SF3B2: variants seen among roughly 807,000 people sequenced by gnomAD.
SF3B2 encodes splicing factor 3b subunit 2.
SF3B2 carries 22 observed loss-of-function variants against 116.3 expected under a neutral mutation model. The ratio of observed to expected loss-of-function variants is 0.19; its 90% confidence interval spans 0.14 to 0.27. The LOEUF is 0.27. SF3B2 is among the 10% of genes least tolerant of loss of function. The probability of loss-of-function intolerance (pLI) is 1.00; values close to 1 mark genes in which losing one functional copy is unlikely to be tolerated. For synonymous variants in SF3B2, 406 were observed against 421.6 expected (o/e 0.96, Z 0.45); for missense variants, 767 against 1,151.4 (o/e 0.67, Z 4.83).
intron 9 of SF3B2, 172 bp downstream of exon 9, chr11:66,058,577 G>A (rs1290121060): frequency 3.2e-6 from 2 of 632,746 alleles, no homozygotes; most frequent in East Asian, 2.7e-5. Context: ...AGTACTATAC[G>A]TGCCTACATT....
chr11:66,055,745 A>G, intron 5 of SF3B2, 160 bp downstream of exon 5: 2 of 647,204 alleles, frequency 3.1e-6, no homozygotes, highest in Non-Finnish European at 5.3e-6. Flanking sequence ...AAGTTCAGGA[A>G]TTGACAAACT....
In SF3B2 at chr11:66,058,297, C is replaced by T; in HGVS notation, c.875-17C>T. On this transcript the variant is annotated splice_polypyrimidine_tract_variant and intron_variant, in intron 8 of 21. Transcript: ENST00000322535. ...CAGTGGCACCGTGAAGACTCATCAC[C>T]ACCTTCTTCCTTACAGAGGAAGAGG... is the stretch of plus-strand genomic sequence containing the variant. The T allele has an allele frequency of 6.2e-7, 1 of 1,610,100 alleles. No individual in the cohort carries two copies. The highest frequency in any genetic ancestry group is 8.5e-7 in the Non-Finnish European group (1 of 1,176,602).
Position 66,058,937 on chromosome 11 carries a change from T to C in SF3B2, c.1074T>C (p.Arg358=). ...GDREKDSTRS[R]GSDSPAADVE... ...GGGAGAAAGACTCAACCCGGTCCCGTGGCTCTGATTCCCCAGCAGCTGATG... is the reference window on the plus strand; with the variant it reads ...GGGAGAAAGACTCAACCCGGTCCCGCGGCTCTGATTCCCCAGCAGCTGATG... Residue 358 remains arginine, a synonymous_variant, in exon 10 of 22, where the codon CGT becomes CGC. Coordinates refer to ENST00000322535, the MANE Select transcript of SF3B2 (RefSeq NM_006842.3). The C allele has an allele frequency of 6.2e-7, 1 of 1,614,128 alleles. No homozygotes were observed. The highest frequency in any genetic ancestry group is 8.5e-7 in the Non-Finnish European group (1 of 1,180,016).
chr11:66,055,051 T>G (rs745403551), intron 3 of SF3B2, 25 bp from the exon 4 acceptor site: 4 of 1,497,294 alleles, frequency 2.7e-6, no homozygotes, highest in Non-Finnish European at 3.6e-6. Flanking sequence ...TGCTTCCTAG[T>G]TTTATGATCA....
chr11:66,054,179 CAAA>C (rs34155501), intron 3 of SF3B2, among the ~76,000 whole-genome samples: 1 of 105,498 alleles, frequency 9.5e-6, no homozygotes, highest in Non-Finnish European at 2.0e-5. Context: ...GAGACTGTCT[CAAA>C]AAAAAAAAAA....
In SF3B2 at chr11:66,058,081, A is replaced by AT. The variant is rs774257782; in HGVS notation, c.806dup (p.Gln271ProfsTer42). The AT allele has an allele frequency of 6.2e-7, 1 of 1,610,900 alleles. No homozygotes were observed. ...GGATGACCCCTCTGTGGGCCCCAAG[A>AT]TCCCCCAGGCTTTGGAGAAGATCCT... On this transcript the variant is annotated frameshift_variant, in exon 8 of 22. Coordinates refer to ENST00000322535, the MANE Select transcript of SF3B2 (RefSeq NM_006842.3). LOFTEE classifies it high-confidence loss of function.
chr11:66,055,051 T>A, intron 3 of SF3B2, 25 bp from the exon 4 acceptor site: 1 of 1,497,294 alleles, frequency 6.7e-7, no homozygotes, highest in Non-Finnish European at 8.9e-7. Flanking sequence ...TGCTTCCTAG[T>A]TTTATGATCA....
Position 66,052,954 on chromosome 11 carries a change from A to G in SF3B2, c.181-73A>G, listed in dbSNP as rs1590706489. The stretch of plus-strand genomic sequence containing the variant: ...ACAGGCACTGGGTACGTTTTGTTGA[A>G]TGAATTGGGAGCGAACGTCGTTTAG... On this transcript the variant is annotated intron_variant, in intron 2 of 21. Transcript: ENST00000322535. 19 of 1,478,094 alleles carry G rather than the reference A, an allele frequency of 1.3e-5. No individual in the cohort carries two copies. The East Asian group carries it at 3.4e-4, about 26-fold the overall frequency. 91.6% of individuals were successfully genotyped at this position (1,478,094 alleles called of 1,614,324 possible).
At position 66,059,589 on chromosome 11, in the gene SF3B2, C is replaced by T. The variant is rs1306003117; in HGVS notation, c.1395C>T (p.Leu465=). 1 of 1,614,020 alleles carries T rather than the reference C, an allele frequency of 6.2e-7. No individual in the cohort carries two copies. The highest frequency in any genetic ancestry group is 2.2e-5 in the East Asian group (1 of 44,862). The stretch of plus-strand genomic sequence containing the variant: ...TGAACCGCTTCACTGTGGCTGAACT[C>T]AAGCAGGTAAGACCTGAGAGGATCC... ...RRMNRFTVAE[L]KQLVARPDVV... is the part of the protein sequence containing the mutation. Residue 465 remains leucine (L), a synonymous_variant, in exon 12 of 22, where the codon CTC becomes CTT. Transcript: ENST00000322535. This position sits in a 1 kb window ranked among gnomAD's most constrained non-coding sequence, Gnocchi z 5.0.
intron 19 of SF3B2, chr11:66,067,260 G>A (rs1857204511): frequency 2.6e-5 from 10 of 381,488 alleles, no homozygotes; most frequent in South Asian, 2.0e-4. Context: ...AAGGGACCAG[G>A]CTATGAACCC....
Position 66,056,943 on chromosome 11 carries a change from C to T in SF3B2, c.655C>T (p.Leu219=). 1.2e-6 allele frequency: 2 copies of T among 1,613,546 alleles called. No individual in the cohort carries two copies. Among genetic ancestry groups the T allele is most frequent in the Non-Finnish European group, 1.7e-6 (2 of 1,179,458 alleles). Residue 219 remains leucine, a synonymous_variant, in exon 6 of 22, where the codon CTG becomes TTG. Transcript: ENST00000322535. ...DMGQIGVRTP[L]GPRVAAPVGP... is the part of the protein sequence containing the mutation. The stretch of plus-strand genomic sequence containing the variant: ...GGGCCAGATTGGTGTGCGCACTCCT[C>T]TGGGTCCTCGAGGTGAGACCCTGGA...
chr11:66,055,355 C>G, intron 4 of SF3B2, 40 bp downstream of exon 4: 4 of 1,597,968 alleles, frequency 2.5e-6, no homozygotes, highest in Non-Finnish European at 3.4e-6. Context: ...CTCATTAGGT[C>G]CCTGAAGGGG....
In SF3B2 at chr11:66,068,781, C is replaced by T; in HGVS notation, c.*36C>T. The T allele has an allele frequency of 2.0e-6, 3 of 1,531,670 alleles. No homozygotes were observed. In the East Asian group the frequency reaches 6.7e-5, roughly 34 times the overall value. The allele number at this position is 1,531,670 out of a possible 1,614,324, so 94.9% of individuals were successfully genotyped here. A position where few individuals can be genotyped will look rare whatever the true frequency, so the allele number is the denominator to read the frequency against. On this transcript the variant is annotated 3_prime_UTR_variant, in exon 22 of 22. Transcript: ENST00000322535. ...ACTAGCCCTTTTTTTGGCCCTACGT[C>T]TGGATGCCTGGGCTTCACACAAGAA...
rs192740998 is a variant in SF3B2, at chr11:66,058,684, C to T, written c.967-146C>T. ...GAACTTTGGAGTCTGACTCCAAGGC[C>T]CCTTCGCAGCTACTTCATGAGATGG... On this transcript the variant is annotated intron_variant, in intron 9 of 21. Coordinates refer to ENST00000322535, the MANE Select transcript of SF3B2 (RefSeq NM_006842.3). 1.4e-3 allele frequency: 981 copies of T among 704,664 alleles called. 8 individuals are homozygous for T. The African/African-American group carries it at 0.015, about 11-fold the overall frequency. The allele number at this position is 704,664 out of a possible 1,614,324, so 43.7% of individuals were successfully genotyped here.
In SF3B2 at chr11:66,063,386, G is replaced by C; in HGVS notation, c.2086-14G>C. ...TAGAAAACATTTGTTGAATGATAAA[G>C]TGATCTCTTTCAGACCAAGACTGAG... is the stretch of plus-strand genomic sequence containing the variant. On this transcript the variant is annotated splice_polypyrimidine_tract_variant and intron_variant, in intron 17 of 21. Coordinates refer to ENST00000322535, the MANE Select transcript of SF3B2 (RefSeq NM_006842.3). The C allele has an allele frequency of 6.2e-7, 1 of 1,602,746 alleles. No individual in the cohort carries two copies. The highest frequency in any genetic ancestry group is 1.3e-5 in the African/African-American group (1 of 74,270).
chr11:66,057,129 A>G, intron 6 of SF3B2, 137 bp from the exon 7 acceptor site: 1 of 854,676 alleles, frequency 1.2e-6, no homozygotes. Context: ...GATCCAAAAC[A>G]TTACCAGCAT....
chr11:66,058,272 C>G, intron 8 of SF3B2, 42 bp from the exon 9 acceptor site: 2 of 1,586,012 alleles, frequency 1.3e-6, no homozygotes, highest in Admixed American at 1.7e-5. Flanking sequence ...GAGTGCAGGG[C>G]AGTGGCACCG....
chr11:66,068,547 C>G, intron 21 of SF3B2, 127 bp from the exon 22 acceptor site: 1 of 902,894 alleles, frequency 1.1e-6, no homozygotes, highest in Non-Finnish European at 1.7e-6. Context: ...AGAGGGAGCT[C>G]GAAGAGAATT....
Position 66,059,659 on chromosome 11 carries a change from G to C in SF3B2, c.1401+64G>C. 6.3e-7 allele frequency: 1 copy of C among 1,595,720 alleles called. No homozygotes were observed. Among genetic ancestry groups the C allele is most frequent in the East Asian group, 2.2e-5 (1 of 44,782 alleles). On this transcript the variant is annotated intron_variant, in intron 12 of 21. Coordinates refer to ENST00000322535, the MANE Select transcript of SF3B2 (RefSeq NM_006842.3). The surrounding 1 kb of genome is among the most constrained non-coding windows in gnomAD (Gnocchi z 5.0). The stretch of plus-strand genomic sequence containing the variant: ...CTGGGAGACCACCTGGGGAGCCAGG[G>C]AGGTGAAAAGGAGTTCTTTGAAGGA...
Sources: allele counts gnomAD v4.1 joint callset (sites outside exome capture counted in the v4.1 genomes callset), GRCh38; gene constraint gnomAD v4.1.1; non-coding constraint Gnocchi (gnomAD v3.1); transcripts MANE v1.5; gene names NCBI Gene and HGNC (gene_info 2026-07-23, HGNC 2026-07-21).